Variants in TRAF7 observed in about 807,000 individuals in gnomAD.
TRAF7 encodes the protein E3 ubiquitin-protein ligase TRAF7.
A neutral mutation model predicts 89.3 loss-of-function variants in TRAF7; 45 were observed. That is an observed-to-expected ratio of 0.50 (90% CI 0.40 to 0.65). The LOEUF (loss-of-function observed/expected upper bound fraction) is 0.65. Among genes scored for constraint, TRAF7 ranks in the 30% least tolerant of loss-of-function variants. The probability of loss-of-function intolerance (pLI) is 0.00; values close to 1 mark genes in which losing one functional copy is unlikely to be tolerated. For synonymous variants in TRAF7, 406 were observed against 369.2 expected, an observed-to-expected ratio of 1.10 and a Z score of -1.14; for missense variants, 677 against 918.1, an observed-to-expected ratio of 0.74 and a Z score of 3.39.
intron 2 of TRAF7, among the ~76,000 whole-genome samples, chr16:2,165,029 G>T (rs1481850726): frequency 8.5e-6 from 1 of 117,856 alleles, no homozygotes. Flanking sequence ...TTAAGCGTGT[G>T]AGTGCTGCAT....
At position 2,158,451 on chromosome 16, in the gene TRAF7, G is replaced by A. The variant is rs775279848; in HGVS notation, c.-39+2593G>A. Among the ~76,000 whole-genome samples the A allele has an allele frequency of 1.3e-5, 2 of 152,234 alleles. No homozygotes were observed. Among genetic ancestry groups the A allele is most frequent in the Non-Finnish European group, 2.9e-5 (2 of 68,034 alleles). The stretch of plus-strand genomic sequence containing the variant: ...GAAGCCGGCTGCCTGGAAACTCGGG[G>A]TGGAGGTGACCCAACCCCAGAAGCA... On this transcript the variant is annotated intron_variant, in intron 1 of 20. Transcript: ENST00000326181. This position sits in a 1 kb window ranked among gnomAD's most constrained non-coding sequence, Gnocchi z 4.7.
At position 2,176,568 on chromosome 16, in the gene TRAF7, T is replaced by C. The variant is rs2093137779; in HGVS notation, c.2007T>C (p.Thr669=). The C allele has an allele frequency of 6.2e-7, 1 of 1,613,314 alleles. No individual in the cohort carries two copies. The highest frequency in any genetic ancestry group is 1.3e-5 in the African/African-American group (1 of 74,912). The change falls in exon 21 of 21, where the codon ACT becomes ACC. Residue 669 remains threonine (T), a synonymous_variant. Transcript: ENST00000326181. ...CAGCCCTTTCTCTGCAGGTTTGGAC[T>C]TGCTAACAGGATCCAGGCCAGGCTG... ...GAVDSTVKVW[T]C
At chr16:2,171,091 G>C (rs1431296697) in intron 5 of TRAF7, among the ~76,000 whole-genome samples, 173 bp from the exon 6 acceptor site, 1 of 152,150 alleles carries the variant, frequency 6.6e-6, no homozygotes, top group Non-Finnish European at 1.5e-5. Flanking sequence ...CACAGACCTC[G>C]CTCTCCCTCC....
chr16:2,167,703 C>T (rs1403850109), intron 3 of TRAF7, among the ~76,000 whole-genome samples: 1 of 152,064 alleles, frequency 6.6e-6, no homozygotes, highest in African/African-American at 2.4e-5. Context: ...TGCTGCCAGG[C>T]GGCCTTCAGA....
At chr16:2,166,794 C>G (rs1257370430) in intron 3 of TRAF7, among the ~76,000 whole-genome samples, 1 of 152,228 alleles carries the variant, frequency 6.6e-6, no homozygotes, top group Non-Finnish European at 1.5e-5. Context: ...CCCCTAAAAA[C>G]CAGAGTGCTG....
chr16:2,165,114 T>C (rs1596671512), intron 2 of TRAF7, among the ~76,000 whole-genome samples: 1 of 133,114 alleles, frequency 7.5e-6, no homozygotes, highest in African/African-American at 3.2e-5. Context: ...AGCGTGTGAG[T>C]GCTGCGTGGC....
intron 2 of TRAF7, among the ~76,000 whole-genome samples, chr16:2,164,417 T>C (rs2093073433): frequency 7.0e-6 from 1 of 142,668 alleles, no homozygotes; most frequent in Non-Finnish European, 1.5e-5. Flanking sequence ...AGCGTGTGAG[T>C]GCTGCGTGGC....
At position 2,173,461 on chromosome 16, in the gene TRAF7, CCT is replaced by C; in HGVS notation, c.1013-16_1013-15del. The C allele has an allele frequency of 6.2e-7, 1 of 1,613,094 alleles. No individual in the cohort carries two copies. Among genetic ancestry groups the C allele is most frequent in the East Asian group, 2.2e-5 (1 of 44,872 alleles). On this transcript the variant is annotated intron_variant, in intron 10 of 20. Coordinates refer to ENST00000326181, the MANE Select transcript of TRAF7 (RefSeq NM_032271.3). ...ACTGCTCCGGGCACCAGTGACACCCCCTCTCCTCCTGCTACTCAGACGTCCTG... is the reference window on the plus strand; with the variant it reads ...ACTGCTCCGGGCACCAGTGACACCCCCTCCTCCTGCTACTCAGACGTCCTG...
At position 2,158,239 on chromosome 16, in the gene TRAF7, A is replaced by G. The variant is rs1405251252; in HGVS notation, c.-39+2381A>G. On this transcript the variant is annotated intron_variant, in intron 1 of 20. Coordinates refer to ENST00000326181, the MANE Select transcript of TRAF7 (RefSeq NM_032271.3). The surrounding 1 kb of genome is among the most constrained non-coding windows in gnomAD (Gnocchi z 4.7). ...GGACTTCACCAGGCCCTCTGTGTGGATCATGCGGGGGGAACCTGTGGAGAG... is the reference window on the plus strand; with the variant it reads ...GGACTTCACCAGGCCCTCTGTGTGGGTCATGCGGGGGGAACCTGTGGAGAG... Among the ~76,000 whole-genome samples, 5 of 152,090 alleles carry G rather than the reference A, an allele frequency of 3.3e-5. No homozygotes were observed. The highest frequency in any genetic ancestry group is 1.2e-4 in the African/African-American group (5 of 41,402).
In TRAF7 at chr16:2,172,305, G is replaced by A. The variant is rs755736603; in HGVS notation, c.590G>A (p.Ser197Asn). ...CGGCACGGCTGCCGGGTAGCGGGCA[G>A]CGGGAAGCCCCCCATCTTTGAGGTG... is the stretch of plus-strand genomic sequence containing the variant. ...HCRHGCRVAGSGKPPIFEVDP... is the reference protein window; with the variant it reads ...HCRHGCRVAGNGKPPIFEVDP... The change falls in exon 8 of 21, where the codon AGC (serine) becomes AAC (asparagine). Residue 197 changes from serine to asparagine, a missense_variant. Transcript: ENST00000326181. 2.1e-5 allele frequency: 34 copies of A among 1,612,744 alleles called. 1 individual carries two copies. The highest frequency in any genetic ancestry group is 2.7e-5 in the Non-Finnish European group (32 of 1,179,968).
At chr16:2,156,468 G>A (rs987923203) in intron 1 of TRAF7, among the ~76,000 whole-genome samples, 15 of 152,204 alleles carry the variant, frequency 9.9e-5, no homozygotes, top group African/African-American at 3.6e-4. Flanking sequence ...AAAATCATGG[G>A]GAGCAGCGGT....
Position 2,174,990 on chromosome 16 carries a change from G to T in TRAF7, c.1347-121G>T, listed in dbSNP as rs2093129698. 4.1e-6 allele frequency: 5 copies of T among 1,211,630 alleles called. No individual in the cohort carries two copies. In the Admixed American group the frequency reaches 8.6e-5, roughly 21 times the overall value. 75.1% of individuals were successfully genotyped at this position (1,211,630 alleles called of 1,614,324 possible). On this transcript the variant is annotated intron_variant, in intron 14 of 20. Coordinates refer to ENST00000326181, the MANE Select transcript of TRAF7 (RefSeq NM_032271.3). ...GCTGACGCTTAAGGACACAGCAGTGGCCTTGGCCCTGGGCCATGCTGCTGG... is the reference window on the plus strand; with the variant it reads ...GCTGACGCTTAAGGACACAGCAGTGTCCTTGGCCCTGGGCCATGCTGCTGG...
In TRAF7 at chr16:2,176,988, G is replaced by C. The variant is rs1366879784; in HGVS notation, c.*414G>C. 1 of 395,398 alleles carries C rather than the reference G, an allele frequency of 2.5e-6. No homozygotes were observed. The highest frequency in any genetic ancestry group is 2.0e-5 in the African/African-American group (1 of 50,412). 24.5% of individuals were successfully genotyped at this position (395,398 alleles called of 1,614,324 possible). ...GGACAAGGGGGCTGTGTGTGGCCTTGAGGTTGGTGTGCACAGGCACTGGCT... is the reference window on the plus strand; with the variant it reads ...GGACAAGGGGGCTGTGTGTGGCCTTCAGGTTGGTGTGCACAGGCACTGGCT... On this transcript the variant is annotated 3_prime_UTR_variant, in exon 21 of 21. Transcript: ENST00000326181.
At chr16:2,157,415 T>C (rs1395304434) in intron 1 of TRAF7, among the ~76,000 whole-genome samples, 2 of 152,144 alleles carry the variant, frequency 1.3e-5, no homozygotes, top group Admixed American at 6.5e-5. Flanking sequence ...AGTGTTACGA[T>C]ATTTCTGGAA....
At chr16:2,165,425 A>C (rs2093081087) in intron 2 of TRAF7, among the ~76,000 whole-genome samples, 1 of 126,746 alleles carries the variant, frequency 7.9e-6, no homozygotes. Context: ...GCCTGGTCGC[A>C]TGGTTAAGCG....
Position 2,170,701 on chromosome 16 carries a change from T to A in TRAF7, c.319T>A (p.Phe107Ile). 6.2e-7 allele frequency: 1 copy of A among 1,606,578 alleles called. No homozygotes were observed. Among genetic ancestry groups the A allele is most frequent in the Non-Finnish European group, 8.5e-7 (1 of 1,177,002 alleles). Reference protein sequence around the residue: ...SESSMSLRSTFSLPEEEEEPE... With the variant: ...SESSMSLRSTISLPEEEEEPE... The stretch of plus-strand genomic sequence containing the variant: ...GTCCAGCATGTCTCTGCGCTCCACA[T>A]TCTCACTGCCCGAGGAGGAGGAGGA... Residue 107 changes from phenylalanine to isoleucine, a missense_variant, in exon 5 of 21, where the codon TTC (phenylalanine) becomes ATC (isoleucine). Phe to Ile is a conservative substitution (Grantham distance 21). Transcript: ENST00000326181.
intron 14 of TRAF7, among the ~76,000 whole-genome samples, 159 bp from the exon 15 acceptor site, chr16:2,174,952 G>A (rs1319050415): frequency 6.6e-6 from 1 of 152,224 alleles, no homozygotes; most frequent in Non-Finnish European, 1.5e-5. Context: ...CCCATGTGGA[G>A]ACTGGAAAAT....
chr16:2,175,946 T>G lies in TRAF7; in HGVS notation c.1739T>G (p.Leu580Arg). 6.2e-7 allele frequency: 1 copy of G among 1,613,258 alleles called. No individual in the cohort carries two copies. Among genetic ancestry groups the G allele is most frequent in the African/African-American group, 1.3e-5 (1 of 75,050 alleles). ...HHIVCGTYENLIHVWDIESKE... is the reference protein window; with the variant it reads ...HHIVCGTYENRIHVWDIESKE... ...ATTGTCTGTGGCACCTACGAGAACC[T>G]CATCCACGTAAGGCCTGGGCATCTG... The change falls in exon 18 of 21, where the codon CTC becomes CGC. Residue 580 changes from leucine to arginine, a missense_variant. Physicochemically the swap from Leu to Arg is moderately radical, Grantham distance 102. This residue lies in a region of TRAF7 where 160 missense variants were observed against 263.7 expected (regional missense o/e 0.61). Coordinates refer to ENST00000326181, the MANE Select transcript of TRAF7 (RefSeq NM_032271.3).
chr16:2,165,038 A>G lies in TRAF7; in HGVS notation c.82-841A>G, dbSNP rs1184346. ...GCATGGTTAAGCGTGTGAGTGCTGC[A>G]TGGCCTGGCCTGGTCGCATGCTGAA... On this transcript the variant is annotated intron_variant, in intron 2 of 20. Coordinates refer to ENST00000326181, the MANE Select transcript of TRAF7 (RefSeq NM_032271.3). Among the ~76,000 whole-genome samples the G allele has an allele frequency of 7.3e-3, 409 of 55,914 alleles. 12 individuals carry two copies. Among genetic ancestry groups the G allele is most frequent in the African/African-American group, 0.018 (170 of 9,694 alleles). 36.7% of individuals were successfully genotyped at this position (55,914 alleles called of 152,430 possible).
Sources: gnomAD v4.1 joint callset for allele counts (sites outside exome capture counted in the v4.1 genomes callset) on GRCh38, gnomAD v4.1.1 for gene constraint, gnomAD v4.1.1 regional missense constraint, Gnocchi (gnomAD v3.1) non-coding constraint, MANE v1.5 for transcripts, NCBI Gene and HGNC (gene_info 2026-07-23, HGNC 2026-07-21) for gene names.